The following GRIA4 variants were observed in gnomAD, a reference collection of about 807,000 sequenced individuals.
GRIA4 encodes the protein glutamate receptor 4.
Under a neutral mutation model 104.0 loss-of-function variants are expected in GRIA4, and 34 were observed. The ratio of observed to expected loss-of-function variants is 0.33; its 90% CI spans 0.25 to 0.44. The LOEUF is 0.44. Among genes scored for constraint, GRIA4 ranks in the 20% least tolerant of loss-of-function variants. The pLI is 1.00. For missense variants in GRIA4, 750 were observed against 1,096.5 expected (o/e 0.68, Z 4.46); for synonymous variants, 386 against 381.9 (o/e 1.01, Z -0.13).
chr11:105,668,678 T>TTTG (rs1555095884), intron 3 of GRIA4, among the ~76,000 whole-genome samples: 3 of 34,766 alleles, frequency 8.6e-5, no homozygotes, highest in South Asian at 7.7e-4. Flanking sequence ...ATCTTTTGTC[T>TTTG]TTTTTTTTTT....
chr11:105,844,162 C>A (rs1280154080), intron 4 of GRIA4, among the ~76,000 whole-genome samples: 1 of 152,100 alleles, frequency 6.6e-6, no homozygotes, highest in Non-Finnish European at 1.5e-5. Context: ...AATAAGCAAT[C>A]AAAGTTAAAC....
chr11:105,683,535 T>C (rs887081569), intron 3 of GRIA4, among the ~76,000 whole-genome samples: 1 of 152,138 alleles, frequency 6.6e-6, no homozygotes, highest in African/African-American at 2.4e-5. Context: ...CAGGTTTTAA[T>C]TTATGAAGCA....
At chr11:105,955,824 A>T (rs956112417) in intron 14 of GRIA4, among the ~76,000 whole-genome samples, 4 of 152,146 alleles carry the variant, frequency 2.6e-5, no homozygotes, top group African/African-American at 9.7e-5. Context: ...GACTGGCGTG[A>T]GATGGTGGTA....
chr11:105,702,411 A>G (rs1953528925), intron 3 of GRIA4, among the ~76,000 whole-genome samples: 1 of 152,108 alleles, frequency 6.6e-6, no homozygotes, highest in Non-Finnish European at 1.5e-5. Context: ...AAACACACAC[A>G]TATACATATC....
At chr11:105,661,059 G>A (rs937817301) in intron 3 of GRIA4, among the ~76,000 whole-genome samples, 6 of 121,500 alleles carry the variant, frequency 4.9e-5, no homozygotes, top group African/African-American at 1.5e-4. Context: ...TGAAGCAAAC[G>A]CTAGAAGCCC....
intron 4 of GRIA4, among the ~76,000 whole-genome samples, chr11:105,832,320 C>A (rs899965602): frequency 6.6e-6 from 1 of 151,694 alleles, no homozygotes; most frequent in Non-Finnish European, 1.5e-5. Context: ...ACTGTCTTTA[C>A]ACAAGCTCTC....
chr11:105,663,317 T>C (rs1318054362), intron 3 of GRIA4, among the ~76,000 whole-genome samples: 1 of 151,952 alleles, frequency 6.6e-6, no homozygotes, highest in Non-Finnish European at 1.5e-5. Context: ...GTTCTCATTT[T>C]AGTTATCAAT....
intron 4 of GRIA4, among the ~76,000 whole-genome samples, chr11:105,799,901 T>C (rs1008861499): frequency 2.0e-5 from 3 of 152,098 alleles, no homozygotes; most frequent in Non-Finnish European, 4.4e-5. Context: ...TCTAGTAACA[T>C]TCAGCTGTTA....
In GRIA4 at chr11:105,716,297, T is replaced by C. The variant is rs116011118; in HGVS notation, c.248-36684T>C. The stretch of plus-strand genomic sequence containing the variant: ...TTTGCAATAACACAGAAGAAAGAAA[T>C]AAAACAGCTCCTATTTACATAGTAA... On this transcript the variant is annotated intron_variant, in intron 3 of 16. Coordinates refer to ENST00000282499, the MANE Select transcript of GRIA4 (RefSeq NM_000829.4). Among the ~76,000 whole-genome samples the C allele has an allele frequency of 3.9e-5, 6 of 152,238 alleles. No individual in the cohort carries two copies. The East Asian group carries it at 1.2e-3, about 29-fold the overall frequency.
chr11:105,925,030 T>C (rs1947666698), intron 12 of GRIA4, among the ~76,000 whole-genome samples: 1 of 152,174 alleles, frequency 6.6e-6, no homozygotes, highest in Admixed American at 6.6e-5. Flanking sequence ...TTTCATTCAT[T>C]GGTTTGACAA....
chr11:105,739,075 A>C (rs1299813125), intron 3 of GRIA4, among the ~76,000 whole-genome samples: 1 of 151,876 alleles, frequency 6.6e-6, no homozygotes, highest in Non-Finnish European at 1.5e-5. Flanking sequence ...ACGGTTACGG[A>C]TTAGTAGTAT....
At chr11:105,642,514 T>G (rs9667155) in intron 3 of GRIA4, among the ~76,000 whole-genome samples, 1 of 136,410 alleles carries the variant, frequency 7.3e-6, no homozygotes. Flanking sequence ...CTAGGCTATA[T>G]AATCAACATT....
At chr11:105,920,909 T>C (rs1177516303) in intron 11 of GRIA4, among the ~76,000 whole-genome samples, 1 of 152,170 alleles carries the variant, frequency 6.6e-6, no homozygotes, top group Non-Finnish European at 1.5e-5. Context: ...GCAAAGTCTA[T>C]ATTGTTTCTC....
At chr11:105,848,549 T>A (rs1364021500) in intron 4 of GRIA4, among the ~76,000 whole-genome samples, 1 of 152,192 alleles carries the variant, frequency 6.6e-6, no homozygotes, top group Non-Finnish European at 1.5e-5. Context: ...AATAACCGGA[T>A]GGGTAGAAAA....
At chr11:105,745,302 C>G (rs1200689679) in intron 3 of GRIA4, among the ~76,000 whole-genome samples, 1 of 152,180 alleles carries the variant, frequency 6.6e-6, no homozygotes, top group South Asian at 2.1e-4. Context: ...TTCTGTCTAA[C>G]TACTCTAACC....
At chr11:105,688,340 C>T (rs1952966673) in intron 3 of GRIA4, among the ~76,000 whole-genome samples, 1 of 152,106 alleles carries the variant, frequency 6.6e-6, no homozygotes, top group Middle Eastern at 3.4e-3. Context: ...GGGTGGATCA[C>T]GAGGTCAGGA....
At chr11:105,891,893 A>G (rs527718772) in intron 6 of GRIA4, among the ~76,000 whole-genome samples, 21 of 152,092 alleles carry the variant, frequency 1.4e-4, no homozygotes, top group Non-Finnish European at 2.6e-4. Flanking sequence ...CCTTATCCCT[A>G]TTCTTTATCT....
intron 3 of GRIA4, chr11:105,613,001 T>C (rs531332035): frequency 6.5e-6 from 1 of 152,890 alleles, no homozygotes; most frequent in Admixed American, 6.5e-5. Context: ...TGCCCTTATA[T>C]TCTGGGGTGT....
intron 3 of GRIA4, among the ~76,000 whole-genome samples, chr11:105,694,530 A>T (rs922315946): frequency 6.6e-6 from 1 of 152,212 alleles, no homozygotes; most frequent in South Asian, 2.1e-4. Context: ...ACATATAATC[A>T]ACATAAATAT....
Sources: gnomAD v4.1 joint callset for allele counts (sites outside exome capture counted in the v4.1 genomes callset) on GRCh38, gnomAD v4.1.1 for gene constraint, MANE v1.5 for transcripts, NCBI Gene and HGNC (gene_info 2026-07-23, HGNC 2026-07-21) for gene names.